The following CDCA2 variants were observed in gnomAD, a reference collection of about 807,000 sequenced individuals.
CDCA2 encodes cell division cycle-associated protein 2.
Under a neutral mutation model 67.0 loss-of-function variants are expected in CDCA2, and 44 were observed. The observed-to-expected ratio is 0.66, with a 90% CI of 0.52 to 0.84. CDCA2 has a LOEUF of 0.84. Among genes scored for constraint, CDCA2 ranks in the 40% least tolerant of loss-of-function variants. The pLI is 0.00. For synonymous variants in CDCA2, 447 were observed against 418.7 expected (o/e 1.07, Z -0.82); for missense variants, 1,253 against 1,203.2 (o/e 1.04, Z -0.61).
Position 25,460,373 on chromosome 8 carries a change from G to A in CDCA2, c.62-11G>A. 3 of 1,614,128 alleles carry A rather than the reference G, an allele frequency of 1.9e-6. No individual in the cohort carries two copies. Among genetic ancestry groups the A allele is most frequent in the Admixed American group, 1.7e-5 (1 of 60,020 alleles). ...GTTGTCCTCACCCCTACAATATGTC[G>A]TCCGTTTCAGGAAATGCCTCTTTCA... On this transcript the variant is annotated splice_polypyrimidine_tract_variant and intron_variant, in intron 2 of 14. Transcript: ENST00000330560.
intron 13 of CDCA2, among the ~76,000 whole-genome samples, chr8:25,500,860 A>C (rs550775170): frequency 8.8e-4 from 134 of 152,350 alleles, no homozygotes; most frequent in Non-Finnish European, 1.5e-3. Context: ...TTTGCAGAGG[A>C]GAATGAGGTA....
chr8:25,488,786 CT>C (rs1803884492), intron 13 of CDCA2, 97 bp downstream of exon 13: 2 of 1,244,488 alleles, frequency 1.6e-6, no homozygotes, highest in Non-Finnish European at 2.1e-6. Context: ...TTCCAGTTGA[CT>C]TTGGACCAAG....
chr8:25,487,622 A>G (rs985588150), intron 12 of CDCA2, among the ~76,000 whole-genome samples: 3 of 152,166 alleles, frequency 2.0e-5, no homozygotes, highest in Non-Finnish European at 4.4e-5. Flanking sequence ...GGACGCCTGT[A>G]GTCCCAGCTA....
chr8:25,503,369 T>G lies in CDCA2; in HGVS notation c.1672-4T>G, dbSNP rs775961705. On this transcript the variant is annotated splice_polypyrimidine_tract_variant and splice_region_variant and intron_variant, in intron 13 of 14. Transcript: ENST00000330560. Reference sequence around the variant, plus strand: ...AATTGCAATGTTTTAATGCATTTTCTCAGGTTTTAAAAAGTTGCAGAAAGA... The same window carrying G: ...AATTGCAATGTTTTAATGCATTTTCGCAGGTTTTAAAAAGTTGCAGAAAGA... The G allele has an allele frequency of 1.9e-6, 3 of 1,609,356 alleles. No homozygotes were observed. Among genetic ancestry groups the G allele is most frequent in the East Asian group, 2.2e-5 (1 of 44,862 alleles).
Position 25,480,058 on chromosome 8 carries a change from C to G in CDCA2, c.966C>G (p.Pro322=), listed in dbSNP as rs748326011. The change falls in exon 8 of 15, where the codon CCC becomes CCG. Residue 322 remains proline, a synonymous_variant. Transcript: ENST00000330560. ...CCTGCAGGAGGGACCTTCCCACCCC[C>G]AAGACCTTTGTACTTCGTTCTGTAC... ...TPACRRDLPT[P]KTFVLRSVLK... 6.2e-7 allele frequency: 1 copy of G among 1,614,182 alleles called. No individual in the cohort carries two copies.
intron 7 of CDCA2, among the ~76,000 whole-genome samples, chr8:25,474,264 A>T (rs1803265156): frequency 6.6e-6 from 1 of 152,204 alleles, no homozygotes; most frequent in Non-Finnish European, 1.5e-5. Flanking sequence ...TCTTATATGT[A>T]GCAGGGTAGT....
intron 7 of CDCA2, among the ~76,000 whole-genome samples, chr8:25,471,168 CTCTG>C (rs1356764105): frequency 2.6e-5 from 4 of 152,088 alleles, no homozygotes; most frequent in Admixed American, 2.6e-4. Context: ...ATCTGAGTTT[CTCTG>C]TCTTATTTTC....
chr8:25,502,756 G>A (rs947414693), intron 13 of CDCA2, among the ~76,000 whole-genome samples: 5 of 151,930 alleles, frequency 3.3e-5, no homozygotes, highest in African/African-American at 9.7e-5. Flanking sequence ...CAGTTCTAAA[G>A]CATCTTATAT....
chr8:25,461,268 C>CAAAAAAAAAAAAAAAAAAAAAA, intron 3 of CDCA2, among the ~76,000 whole-genome samples: 1 of 95,948 alleles, frequency 1.0e-5, no homozygotes, highest in African/African-American at 4.2e-5. Context: ...ACTCTGTCTC[C>CAAAAAAAAAAAAAAAAAAAAAA]AAAAAAAAAA....
chr8:25,499,321 T>G, intron 13 of CDCA2, among the ~76,000 whole-genome samples: 1 of 73,476 alleles, frequency 1.4e-5, no homozygotes, highest in African/African-American at 4.9e-5. Flanking sequence ...TTTTTTTTTT[T>G]TGAGACAGAG....
chr8:25,467,159 T>C (rs1236979598), intron 5 of CDCA2, among the ~76,000 whole-genome samples: 1 of 151,546 alleles, frequency 6.6e-6, no homozygotes, highest in Non-Finnish European at 1.5e-5. Flanking sequence ...TTCAGTCTTT[T>C]TTTTTTCCCC....
intron 10 of CDCA2, among the ~76,000 whole-genome samples, chr8:25,485,265 C>T (rs1803729140): frequency 6.6e-6 from 1 of 150,916 alleles, no homozygotes; most frequent in Non-Finnish European, 1.5e-5. Flanking sequence ...AAAATAAAAC[C>T]TCTGAGCAAA....
In CDCA2 at chr8:25,462,881, A is replaced by G. The variant is rs1465635806; in HGVS notation, c.387+673A>G. 2.0e-5 allele frequency among the ~76,000 whole-genome samples: 3 copies of G among 152,044 alleles called. No homozygotes were observed. In the East Asian group the frequency reaches 5.8e-4, roughly 29 times the overall value. On this transcript the variant is annotated intron_variant, in intron 4 of 14. Coordinates refer to ENST00000330560, the MANE Select transcript of CDCA2 (RefSeq NM_152562.4). ...TTTTTTGTAGAGATGGGGCCTCACTATGTTGCCCAGGCTTATTTTGAACTC... is the reference window on the plus strand; with the variant it reads ...TTTTTTGTAGAGATGGGGCCTCACTGTGTTGCCCAGGCTTATTTTGAACTC...
At chr8:25,485,904 GT>G in intron 11 of CDCA2, 67 bp downstream of exon 11, 1 of 949,092 alleles carries the variant, frequency 1.1e-6, no homozygotes, top group Non-Finnish European at 1.6e-6. Flanking sequence ...GATTATTTTT[GT>G]TTTCTTTTAA....
At chr8:25,494,790 G>A (rs1804148525) in intron 13 of CDCA2, among the ~76,000 whole-genome samples, 1 of 152,124 alleles carries the variant, frequency 6.6e-6, no homozygotes, top group South Asian at 2.1e-4. Flanking sequence ...TTTAAAATGA[G>A]ATCCATAGGG....
At chr8:25,464,881 T>G (rs1234489476) in intron 4 of CDCA2, among the ~76,000 whole-genome samples, 3 of 152,186 alleles carry the variant, frequency 2.0e-5, no homozygotes, top group Non-Finnish European at 4.4e-5. Flanking sequence ...AATAGAGAAT[T>G]TGCTTTATAT....
chr8:25,488,632 TAGG>T lies in CDCA2; in HGVS notation c.1619_1621del (p.Arg540del), dbSNP rs1377803168. On this transcript the variant is annotated inframe_deletion, in exon 13 of 15. Transcript: ENST00000330560. ...AGCCTTGTAAAGAAAAGAAAATTAA[TAGG>T]AGGAAGTCTCAAGAAACAAAGTGTA... 6 of 1,612,842 alleles carry T rather than the reference TAGG, an allele frequency of 3.7e-6. No homozygotes were observed. Among genetic ancestry groups the T allele is most frequent in the Middle Eastern group, 1.6e-4 (1 of 6,074 alleles).
chr8:25,483,497 C>G lies in CDCA2; in HGVS notation c.1120+11C>G. 6.3e-7 allele frequency: 1 copy of G among 1,587,132 alleles called. No individual in the cohort carries two copies. Among genetic ancestry groups the G allele is most frequent in the South Asian group, 1.1e-5 (1 of 88,774 alleles). On this transcript the variant is annotated intron_variant, in intron 9 of 14. Transcript: ENST00000330560. Reference sequence around the variant, plus strand: ...AAGAGAAAGAAGCAGGTAAGAAATTCATACTTGTTTTTAAGCTTGAGGATA... The same window carrying G: ...AAGAGAAAGAAGCAGGTAAGAAATTGATACTTGTTTTTAAGCTTGAGGATA...
At position 25,506,720 on chromosome 8, in the gene CDCA2, T is replaced by C. The variant is rs1234011047; in HGVS notation, c.2054T>C (p.Ile685Thr). Residue 685 changes from isoleucine to threonine, a missense_variant, in exon 15 of 15, where the codon ATT (isoleucine) becomes ACT (threonine). Ile to Thr is a moderately conservative substitution (Grantham distance 89). Coordinates refer to ENST00000330560, the MANE Select transcript of CDCA2 (RefSeq NM_152562.4). ...DEDPNTNIMN[I>T]NENKNIPKAK... The stretch of plus-strand genomic sequence containing the variant: ...GATCCAAATACAAATATAATGAACA[T>C]TAATGAAAATAAAAATATTCCAAAA... The C allele has an allele frequency of 1.9e-6, 3 of 1,611,482 alleles. No homozygotes were observed. The highest frequency in any genetic ancestry group is 2.5e-6 in the Non-Finnish European group (3 of 1,179,182).
Sources: allele counts gnomAD v4.1 joint callset (sites outside exome capture counted in the v4.1 genomes callset), GRCh38; gene constraint gnomAD v4.1.1; transcripts MANE v1.5; gene names NCBI Gene and HGNC (gene_info 2026-07-23, HGNC 2026-07-21).